The following DMC1 variants were observed in gnomAD, a reference collection of about 807,000 sequenced individuals.
DMC1 encodes meiotic recombination protein DMC1 homolog.
A neutral mutation model predicts 50.1 loss-of-function variants in DMC1; 27 were observed. The ratio of observed to expected loss-of-function variants is 0.54; its 90% CI spans 0.40 to 0.74. The LOEUF (loss-of-function observed/expected upper bound fraction) is 0.74, where lower values mean the gene tolerates loss of function less well. Among genes scored for constraint, DMC1 ranks in the 30% least tolerant of loss-of-function variants. The pLI is 0.00. For synonymous variants in DMC1, 148 were observed against 136.1 expected (o/e 1.09, Z -0.61); for missense variants, 295 against 420.2 (o/e 0.70, Z 2.60).
chr22:38,537,538 T>C, intron 12 of DMC1, 54 bp downstream of exon 12: 1 of 1,515,074 alleles, frequency 6.6e-7, no homozygotes, highest in South Asian at 1.1e-5. Flanking sequence ...TTCTACGCTC[T>C]AACCCTCTTT....
chr22:38,510,972 A>T, the DMC1 span, among the ~76,000 whole-genome samples: 3 of 152,226 alleles, frequency 2.0e-5, no homozygotes, highest in African/African-American at 7.2e-5. Flanking sequence ...TAATACAAGT[A>T]CAAAATCTGA....
chr22:38,551,235 G>A (rs147870845), intron 7 of DMC1, among the ~76,000 whole-genome samples: 2 of 151,624 alleles, frequency 1.3e-5, no homozygotes, highest in Non-Finnish European at 2.9e-5. Context: ...GTGACACAGC[G>A]AGACTCCGTC....
At chr22:38,538,438 T>TGCA (rs1440662989) in intron 10 of DMC1, 29 bp from the exon 11 acceptor site, 11 of 1,610,466 alleles carry the variant, frequency 6.8e-6, no homozygotes, top group Non-Finnish European at 8.5e-6. Context: ...AAAATAAACA[T>TGCA]GCATTTGGAA....
chr22:38,523,865 T>C (rs1366041346), intron 12 of DMC1, among the ~76,000 whole-genome samples: 1 of 152,046 alleles, frequency 6.6e-6, no homozygotes, highest in Non-Finnish European at 1.5e-5. Flanking sequence ...TTCACAGAAG[T>C]TAAGAAAAAA....
At chr22:38,560,813 CAG>C (rs908610574) in intron 5 of DMC1, among the ~76,000 whole-genome samples, 5 of 152,052 alleles carry the variant, frequency 3.3e-5, no homozygotes, top group Admixed American at 6.6e-5. Context: ...ACTATGAACT[CAG>C]GGTAAATCTT....
intron 11 of DMC1, 92 bp downstream of exon 11, chr22:38,538,203 A>C: frequency 1.9e-6 from 2 of 1,028,710 alleles, no homozygotes; most frequent in South Asian, 2.8e-5. Context: ...TTTAAAAAAA[A>C]ATCGCTGCCT....
intron 8 of DMC1, among the ~76,000 whole-genome samples, chr22:38,544,760 G>A (rs1409395238): frequency 6.6e-6 from 1 of 151,368 alleles, no homozygotes; most frequent in Admixed American, 6.6e-5. Flanking sequence ...TGAGTAGCTG[G>A]GACTACAGGC....
intron 12 of DMC1, among the ~76,000 whole-genome samples, chr22:38,527,842 G>A (rs1015712876): frequency 6.6e-6 from 1 of 151,436 alleles, no homozygotes; most frequent in African/African-American, 2.4e-5. Flanking sequence ...TTTAATGGGG[G>A]ATAATAACTG....
rs1375053205 is a variant in DMC1, at chr22:38,568,226, G to A, written c.31C>T (p.Pro11Ser). The change falls in exon 2 of 14, where the codon CCA becomes TCA. Residue 11 changes from proline to serine, a missense_variant. By Grantham distance (74) the Pro-to-Ser change is moderately conservative. Transcript: ENST00000216024. ...CATACCTCTTCATCTTGGAATCCTG[G>A]TTCTTCCGCCACAACTTGATCCTCC... MKEDQVVAEE[P>S]GFQDEEESLF... The A allele has an allele frequency of 6.2e-7, 1 of 1,614,058 alleles. No individual in the cohort carries two copies. The highest frequency in any genetic ancestry group is 1.7e-5 in the Admixed American group (1 of 60,020).
intron 5 of DMC1, among the ~76,000 whole-genome samples, chr22:38,557,953 G>GTTTTTTTTTTTTTTTTTTTTTTTTT (rs1555940699): frequency 1.1e-5 from 1 of 94,978 alleles, no homozygotes; most frequent in Non-Finnish European, 2.2e-5. Context: ...ATTAGACAAA[G>GTTTTTTTTTTTTTTTTTTTTTTTTT]TTCTTTTTTT....
At chr22:38,552,127 C>A (rs1227904271) in intron 7 of DMC1, among the ~76,000 whole-genome samples, 1 of 152,096 alleles carries the variant, frequency 6.6e-6, no homozygotes, top group African/African-American at 2.4e-5. Flanking sequence ...TCCCAAAGTG[C>A]TGGGATTACA....
chr22:38,528,643 C>T (rs1322351001), intron 12 of DMC1, among the ~76,000 whole-genome samples: 1 of 151,786 alleles, frequency 6.6e-6, no homozygotes, highest in African/African-American at 2.4e-5. Context: ...AAAAATTAAC[C>T]CGGTGTGGTG....
chr22:38,537,550 T>C (rs1602731841), intron 12 of DMC1, 42 bp downstream of exon 12: 1 of 1,566,814 alleles, frequency 6.4e-7, no homozygotes, highest in East Asian at 2.2e-5. Context: ...ACCCTCTTTA[T>C]ATTAACCTCT....
At chr22:38,552,386 A>G (rs1034947701) in intron 7 of DMC1, among the ~76,000 whole-genome samples, 2 of 152,190 alleles carry the variant, frequency 1.3e-5, no homozygotes, top group Admixed American at 1.3e-4. Flanking sequence ...ATGGAATGGG[A>G]AAAACTGAGA....
intron 8 of DMC1, among the ~76,000 whole-genome samples, chr22:38,548,548 T>C (rs980593057): frequency 1.3e-5 from 2 of 152,126 alleles, no homozygotes; most frequent in African/African-American, 4.8e-5. Context: ...CACTCCAGCC[T>C]GGGCAACAGA....
At chr22:38,568,815 G>C (rs940592347) in intron 1 of DMC1, among the ~76,000 whole-genome samples, 3 of 152,112 alleles carry the variant, frequency 2.0e-5, no homozygotes, top group Admixed American at 2.0e-4. Context: ...GGGTACTCCT[G>C]TAACATCCAC....
At chr22:38,554,166 C>T (rs769491127) in intron 6 of DMC1, among the ~76,000 whole-genome samples, 17 of 151,704 alleles carry the variant, frequency 1.1e-4, no homozygotes, top group Non-Finnish European at 2.2e-4. Context: ...AAAATAAAGA[C>T]CCCACCACAG....
chr22:38,549,388 G>A (rs2090378926), intron 8 of DMC1: 1 of 154,518 alleles, frequency 6.5e-6, no homozygotes, highest in African/African-American at 2.4e-5. Context: ...GTGGGAGGCT[G>A]AGGCAGGTGG....
intron 7 of DMC1, among the ~76,000 whole-genome samples, chr22:38,551,928 T>C (rs1294976983): frequency 6.8e-6 from 1 of 146,098 alleles, no homozygotes; most frequent in African/African-American, 2.5e-5. Context: ...TGGCGCGATA[T>C]CGGCTCACTG....
Sources: gnomAD v4.1 joint callset for allele counts (sites outside exome capture counted in the v4.1 genomes callset) on GRCh38, gnomAD v4.1.1 for gene constraint, MANE v1.5 for transcripts, NCBI Gene and HGNC (gene_info 2026-07-23, HGNC 2026-07-21) for gene names.